The following TMEM117 variants were observed in gnomAD, a reference collection of about 807,000 sequenced individuals.
TMEM117 encodes the protein transmembrane protein 117.
TMEM117 carries 27 observed loss-of-function variants against 52.4 expected under a neutral mutation model. That is an observed-to-expected ratio of 0.51 (90% CI 0.38 to 0.71). The LOEUF (loss-of-function observed/expected upper bound fraction) is 0.71. TMEM117 is among the 30% of genes least tolerant of loss of function. The pLI is 0.00. For missense variants in TMEM117, 556 were observed against 630.5 expected (o/e 0.88, Z 1.26); for synonymous variants, 215 against 206.3 (o/e 1.04, Z -0.36).
At chr12:43,935,918 A>G (rs1944945283) in intron 2 of TMEM117, among the ~76,000 whole-genome samples, 1 of 152,202 alleles carries the variant, frequency 6.6e-6, no homozygotes, top group Non-Finnish European at 1.5e-5. Flanking sequence ...AGGGTTCAGC[A>G]TGAGCATAGA....
chr12:44,064,572 G>A lies in TMEM117; in HGVS notation c.411-78953G>A, dbSNP rs950526601. On this transcript the variant is annotated intron_variant, in intron 3 of 7. Transcript: ENST00000266534. ...AGTCAAGACTTCTATGAAATGTTTTGCAGTGTCATTAGTATAATGACTCGT... is the reference window on the plus strand; with the variant it reads ...AGTCAAGACTTCTATGAAATGTTTTACAGTGTCATTAGTATAATGACTCGT... 5.3e-5 allele frequency among the ~76,000 whole-genome samples: 8 copies of A among 151,980 alleles called. No homozygotes were observed. In the East Asian group the frequency reaches 1.5e-3, roughly 29 times the overall value.
intron 3 of TMEM117, among the ~76,000 whole-genome samples, chr12:44,115,710 G>T (rs772867401): frequency 1.5e-4 from 23 of 152,046 alleles, no homozygotes; most frequent in Non-Finnish European, 3.2e-4. Context: ...TATTCTTTCT[G>T]ATTGATCAAC....
chr12:43,884,960 C>T (rs1292237903), intron 2 of TMEM117, among the ~76,000 whole-genome samples: 1 of 152,212 alleles, frequency 6.6e-6, no homozygotes. Context: ...CTCTTGCTGA[C>T]TTGCCCATGG....
intron 3 of TMEM117, among the ~76,000 whole-genome samples, chr12:44,101,215 TGTTGAACATAC>T (rs1171243965): frequency 1.1e-4 from 17 of 150,566 alleles, no homozygotes; most frequent in Non-Finnish European, 2.2e-4. Flanking sequence ...GTTGAACATA[TGTTGAACATAC>T]GCTTAATACA....
chr12:43,930,563 C>T (rs1944855236), intron 2 of TMEM117, among the ~76,000 whole-genome samples: 1 of 152,154 alleles, frequency 6.6e-6, no homozygotes, highest in Non-Finnish European at 1.5e-5. Context: ...CCTTAGTGAT[C>T]TTGGCCTTTC....
At chr12:43,953,343 G>A (rs1713274542) in intron 3 of TMEM117, among the ~76,000 whole-genome samples, 1 of 152,114 alleles carries the variant, frequency 6.6e-6, no homozygotes, top group Non-Finnish European at 1.5e-5. Flanking sequence ...CCCATTAAAA[G>A]ACACAGAATG....
intron 5 of TMEM117, among the ~76,000 whole-genome samples, chr12:44,215,741 A>G (rs1256576831): frequency 1.3e-5 from 2 of 151,744 alleles, no homozygotes; most frequent in African/African-American, 2.4e-5. Flanking sequence ...AAAAAAAAAA[A>G]GACAAAATAG....
intron 5 of TMEM117, among the ~76,000 whole-genome samples, chr12:44,233,315 A>G (rs1025689193): frequency 6.6e-6 from 1 of 151,436 alleles, no homozygotes; most frequent in African/African-American, 2.4e-5. Flanking sequence ...AATTTCATAC[A>G]ATGATTTTCT....
intron 3 of TMEM117, among the ~76,000 whole-genome samples, chr12:44,041,432 C>T (rs535628803): frequency 2.6e-5 from 4 of 152,048 alleles, no homozygotes; most frequent in Non-Finnish European, 4.4e-5. Flanking sequence ...CACAATTAAG[C>T]TGCTTGCACT....
chr12:43,924,056 A>G (rs1333807986), intron 2 of TMEM117, among the ~76,000 whole-genome samples: 2 of 152,196 alleles, frequency 1.3e-5, no homozygotes, highest in Non-Finnish European at 2.9e-5. Flanking sequence ...ATAGGAACCA[A>G]ATAAAATAAT....
At chr12:43,926,502 ATATC>A (rs1944780927) in intron 2 of TMEM117, among the ~76,000 whole-genome samples, 2 of 152,334 alleles carry the variant, frequency 1.3e-5, no homozygotes, top group South Asian at 2.1e-4. Context: ...ATTCTTATAA[ATATC>A]TACCCTTTTA....
At chr12:44,242,908 C>T (rs1950081397) in intron 5 of TMEM117, among the ~76,000 whole-genome samples, 3 of 151,638 alleles carry the variant, frequency 2.0e-5, no homozygotes, top group South Asian at 4.1e-4. Flanking sequence ...CTTTTTTGTG[C>T]AACCTCGTGA....
intron 3 of TMEM117, among the ~76,000 whole-genome samples, chr12:43,958,582 G>A (rs1377982956): frequency 1.3e-5 from 2 of 152,146 alleles, no homozygotes; most frequent in East Asian, 1.9e-4. Flanking sequence ...TGAAAGTTAG[G>A]TGGTGACTGT....
chr12:44,071,085 T>C (rs1172454815), intron 3 of TMEM117, among the ~76,000 whole-genome samples: 1 of 152,192 alleles, frequency 6.6e-6, no homozygotes, highest in Non-Finnish European at 1.5e-5. Context: ...ATTTCATTAG[T>C]TTTATAAATT....
rs147968285 is a variant in TMEM117, at chr12:44,105,497, G to GTT, written c.411-38020_411-38019dup. ...ATGCTTGTCCATTTCTTCAAAGTGT[G>GTT]TTTTTTTTTGCTTTTTAGTATACCT... On this transcript the variant is annotated intron_variant, in intron 3 of 7. Transcript: ENST00000266534. Among the ~76,000 whole-genome samples, 80 of 149,742 alleles carry GTT rather than the reference G, an allele frequency of 5.3e-4. 1 individual carries two copies. In the South Asian group the frequency reaches 0.013, roughly 25 times the overall value.
At chr12:44,289,581 C>G in intron 5 of TMEM117, among the ~76,000 whole-genome samples, 1 of 126,780 alleles carries the variant, frequency 7.9e-6, no homozygotes, top group South Asian at 2.6e-4. Flanking sequence ...GAGACAGAGT[C>G]TCCCTCTGTT....
chr12:43,832,047 C>G (rs1451608298), upstream of TMEM117, among the ~76,000 whole-genome samples: 2 of 152,158 alleles, frequency 1.3e-5, no homozygotes, highest in East Asian at 1.9e-4. Flanking sequence ...ATTGGCTAAA[C>G]TCCTGCATAT....
At chr12:44,165,362 C>T (rs976653786) in intron 4 of TMEM117, among the ~76,000 whole-genome samples, 1 of 152,166 alleles carries the variant, frequency 6.6e-6, no homozygotes, top group Non-Finnish European at 1.5e-5. Flanking sequence ...AGTAAGACCT[C>T]ACCTATCAGT....
intron 7 of TMEM117, among the ~76,000 whole-genome samples, chr12:44,387,685 T>C (rs982920623): frequency 3.3e-5 from 5 of 152,176 alleles, no homozygotes; most frequent in Non-Finnish European, 7.4e-5. Flanking sequence ...CTTTGTTTTT[T>C]CACATTAATT....
Sources: allele counts gnomAD v4.1 joint callset (sites outside exome capture counted in the v4.1 genomes callset), GRCh38; gene constraint gnomAD v4.1.1; transcripts MANE v1.5; gene names NCBI Gene and HGNC (gene_info 2026-07-23, HGNC 2026-07-21).